The following APOA5 variants were observed in gnomAD, a reference collection of about 807,000 sequenced individuals.
APOA5 encodes apolipoprotein A-V.
Under a neutral mutation model 31.8 loss-of-function variants are expected in APOA5, and 26 were observed. The observed-to-expected ratio is 0.82, with a 90% CI of 0.60 to 1.13. The LOEUF (loss-of-function observed/expected upper bound fraction) is 1.13. APOA5 is among the 50% of genes most tolerant of loss of function. The probability of loss-of-function intolerance (pLI) is 0.00; values close to 1 mark genes in which losing one functional copy is unlikely to be tolerated. For synonymous variants in APOA5, 186 were observed against 198.5 expected, an observed-to-expected ratio of 0.94 and a Z score of 0.53; for missense variants, 450 against 488.0, an observed-to-expected ratio of 0.92 and a Z score of 0.73.
chr11:116,790,773 G>T lies in APOA5; in HGVS notation c.456C>A (p.Arg152=), dbSNP rs990876386. Residue 152 remains arginine, a synonymous_variant, in exon 3 of 3, where the codon CGC becomes CGA. Transcript: ENST00000227665. Reference sequence around the variant, plus strand: ...GGGCCTTGGTGTCTTCCCCCACCACGCGCAACTGCTCCTGCAGCTCCTGCA... The same window carrying T: ...GGGCCTTGGTGTCTTCCCCCACCACTCGCAACTGCTCCTGCAGCTCCTGCA... ...LRVQELQEQL[R]VVGEDTKAQL... is the part of the protein sequence containing the mutation. 44 of 1,613,194 alleles carry T rather than the reference G, an allele frequency of 2.7e-5. No individual in the cohort carries two copies. Among genetic ancestry groups the T allele is most frequent in the Non-Finnish European group, 3.6e-5 (43 of 1,179,970 alleles).
At position 116,790,729 on chromosome 11, in the gene APOA5, T is replaced by A. The variant is rs762999453; in HGVS notation, c.500A>T (p.Asp167Val). The A allele has an allele frequency of 1.2e-6, 2 of 1,613,004 alleles. No individual in the cohort carries two copies. Among genetic ancestry groups the A allele is most frequent in the East Asian group, 4.5e-5 (2 of 44,878 alleles). ...DTKAQLLGGVDEAWALLQGLQ... is the reference protein window; with the variant it reads ...DTKAQLLGGVVEAWALLQGLQ... The stretch of plus-strand genomic sequence containing the variant: ...TCCCTGCAGCAAAGCCCAAGCCTCG[T>A]CCACGCCCCCCAGCAACTGGGCCTT... The change falls in exon 3 of 3, where the codon GAC (aspartate) becomes GTC (valine). Residue 167 changes from aspartate (D) to valine (V), a missense_variant. Physicochemically the swap from Asp to Val is radical, Grantham distance 152. Transcript: ENST00000227665.
In APOA5 at chr11:116,790,104, G is replaced by A. The variant is rs1426672410; in HGVS notation, c.*24C>T. On this transcript the variant is annotated 3_prime_UTR_variant, in exon 3 of 3. Coordinates refer to ENST00000227665, the MANE Select transcript of APOA5 (RefSeq NM_001371904.1). ...CAAGGCTCCCCAGACAAGGAGCTGG[G>A]AATGGGCCTGGGCAGGTAGATCCTC... 6.2e-7 allele frequency: 1 copy of A among 1,610,550 alleles called. No homozygotes were observed. Among genetic ancestry groups the A allele is most frequent in the East Asian group, 2.2e-5 (1 of 44,766 alleles).
rs1451892122 is a variant in APOA5 at position 116,790,782 on chromosome 11, C to T, written c.447G>A (p.Glu149=). 1.2e-6 allele frequency: 2 copies of T among 1,613,570 alleles called. No homozygotes were observed. The highest frequency in any genetic ancestry group is 1.7e-6 in the Non-Finnish European group (2 of 1,179,982). The change falls in exon 3 of 3, where the codon GAG becomes GAA. Residue 149 remains glutamate, a synonymous_variant. Transcript: ENST00000227665. ...QVALRVQELQ[E]QLRVVGEDTK... ...TGTCTTCCCCCACCACGCGCAACTG[C>T]TCCTGCAGCTCCTGCACGCGCAGGG...
rs773988647 is a variant in APOA5 at position 116,791,050 on chromosome 11, A to T, written c.179T>A (p.Leu60His). 5 of 1,611,648 alleles carry T rather than the reference A, an allele frequency of 3.1e-6. No individual in the cohort carries two copies. Among genetic ancestry groups the T allele is most frequent in the Middle Eastern group, 1.7e-4 (1 of 6,060 alleles). The change falls in exon 3 of 3, where the codon CTT becomes CAT. Residue 60 changes from leucine to histidine, a missense_variant. Leu to His is a moderately conservative substitution (Grantham distance 99). Transcript: ENST00000227665. ...GTTCATATTGTTGAGGTCTTGCTCAAGGCTGTCTTTCAGGGTCCTGGAGAA... is the reference window on the plus strand; with the variant it reads ...GTTCATATTGTTGAGGTCTTGCTCATGGCTGTCTTTCAGGGTCCTGGAGAA... ...AREPATLKDS[L>H]EQDLNNMNKF...
At position 116,789,582 on chromosome 11, in the gene APOA5, A is replaced by G. The variant is rs765775223; in HGVS notation, c.*546T>C. ...TCCTATCACAGCCCACACCTTTCGT[A>G]CCCACCAGCATCAGAGCCAGCAGGG... On this transcript the variant is annotated 3_prime_UTR_variant, in exon 3 of 3. Coordinates refer to ENST00000227665, the MANE Select transcript of APOA5 (RefSeq NM_001371904.1). 6.7e-5 allele frequency: 14 copies of G among 207,722 alleles called. No homozygotes were observed. Among genetic ancestry groups the G allele is most frequent in the Non-Finnish European group, 1.3e-4 (13 of 101,316 alleles). 12.9% of individuals were successfully genotyped at this position (207,722 alleles called of 1,614,324 possible).
Position 116,789,867 on chromosome 11 carries a change from A to G in APOA5, c.*261T>C. The G allele has an allele frequency of 3.5e-6, 2 of 566,576 alleles. No individual in the cohort carries two copies. The highest frequency in any genetic ancestry group is 4.0e-5 in the South Asian group (2 of 49,596). The allele number at this position is 566,576 out of a possible 1,614,324, so 35.1% of individuals were successfully genotyped here. On this transcript the variant is annotated 3_prime_UTR_variant, in exon 3 of 3. Transcript: ENST00000227665. ...TCCCTCCCTACTCCCTCACCCTTGA[A>G]TGGAGTAACTCATGAGCATTCCCAA...
Position 116,790,988 on chromosome 11 carries a change from C to T in APOA5, c.241G>A (p.Glu81Lys), listed in dbSNP as rs775696556. ...LEKLRPLSGS[E>K]APRLPQDPVG... ...GGGTCCTGTGGGAGCCGAGGAGCCT[C>T]GCTCCCACTCAGAGGCCTCAGCTTT... The change falls in exon 3 of 3, where the codon GAG becomes AAG. Residue 81 changes from glutamate (E) to lysine (K), a missense_variant. Physicochemically the swap from Glu to Lys is moderately conservative, Grantham distance 56 (BLOSUM62 1). Coordinates refer to ENST00000227665, the MANE Select transcript of APOA5 (RefSeq NM_001371904.1). 1 of 1,612,264 alleles carries T rather than the reference C, an allele frequency of 6.2e-7. No homozygotes were observed. The highest frequency in any genetic ancestry group is 8.5e-7 in the Non-Finnish European group (1 of 1,179,408).
At chr11:116,791,405 G>A in intron 2 of APOA5, 181 bp downstream of exon 2, 1 of 752,910 alleles carries the variant, frequency 1.3e-6, no homozygotes, top group Non-Finnish European at 2.3e-6. Context: ...TGTCAAGGCG[G>A]GGGCTGCAGG....
chr11:116,790,589 C>A lies in APOA5; in HGVS notation c.640G>T (p.Ala214Ser). 6.2e-7 allele frequency: 1 copy of A among 1,601,564 alleles called. No homozygotes were observed. The highest frequency in any genetic ancestry group is 8.5e-7 in the Non-Finnish European group (1 of 1,178,178). The stretch of plus-strand genomic sequence containing the variant: ...GCGGGGCTGGCGGGGGCGTGCGGAG[C>A]CACACTGCGGTGCAGCTCCTGCACG... ...RHVQELHRSV[A>S]PHAPASPARL... is the part of the protein sequence containing the mutation. The change falls in exon 3 of 3, where the codon GCT becomes TCT. Residue 214 changes from alanine to serine, a missense_variant. Transcript: ENST00000227665.
In APOA5 at chr11:116,791,069, TG is replaced by T; in HGVS notation, c.162-3del. 6.2e-7 allele frequency: 1 copy of T among 1,608,134 alleles called. No homozygotes were observed. Among genetic ancestry groups the T allele is most frequent in the South Asian group, 1.1e-5 (1 of 90,884 alleles). ...TGCTCAAGGCTGTCTTTCAGGGTCC[TG>T]GAGAAGGGGACAGATATCCAGGCCG... On this transcript the variant is annotated splice_region_variant and splice_polypyrimidine_tract_variant and intron_variant, in intron 2 of 2. Transcript: ENST00000227665.
Position 116,789,553 on chromosome 11 carries a change from C to CGTAG in APOA5, c.*574_*575insCTAC. 2 of 169,772 alleles carry CGTAG rather than the reference C, an allele frequency of 1.2e-5. No homozygotes were observed. The highest frequency in any genetic ancestry group is 2.4e-5 in the African/African-American group (1 of 42,132). 10.5% of individuals were successfully genotyped at this position (169,772 alleles called of 1,614,324 possible). ...CTATGTCAGGAAACATGGGCTCTGC[C>CGTAG]CTCTCCTATCACAGCCCACACCTTT... On this transcript the variant is annotated 3_prime_UTR_variant, in exon 3 of 3. Coordinates refer to ENST00000227665, the MANE Select transcript of APOA5 (RefSeq NM_001371904.1).
Position 116,789,766 on chromosome 11 carries a change from C to T in APOA5, c.*362G>A. ...AGCCAGAAGTGACTAGAGCCAAACTCCAGGATGTAGTGGCACAGGCTTCCA... is the reference window on the plus strand; with the variant it reads ...AGCCAGAAGTGACTAGAGCCAAACTTCAGGATGTAGTGGCACAGGCTTCCA... On this transcript the variant is annotated 3_prime_UTR_variant, in exon 3 of 3. Coordinates refer to ENST00000227665, the MANE Select transcript of APOA5 (RefSeq NM_001371904.1). 1 of 373,984 alleles carries T rather than the reference C, an allele frequency of 2.7e-6. No homozygotes were observed. The highest frequency in any genetic ancestry group is 2.4e-5 in the South Asian group (1 of 42,288). The allele number at this position is 373,984 out of a possible 1,614,324, so 23.2% of individuals were successfully genotyped here.
chr11:116,790,424 C>G lies in APOA5; in HGVS notation c.805G>C (p.Gly269Arg). ...RAFAGTGTEE[G>R]AGPDPQMLSE... The stretch of plus-strand genomic sequence containing the variant: ...AGCATCTGGGGGTCCGGGCCGGCCC[C>G]TTCCTCAGTCCCAGTGCCTGCAAAG... The change falls in exon 3 of 3, where the codon GGG becomes CGG. Residue 269 changes from glycine (G) to arginine (R), a missense_variant. By Grantham distance (125) the Gly-to-Arg change is moderately radical. Transcript: ENST00000227665. 6.2e-7 allele frequency: 1 copy of G among 1,606,180 alleles called. No individual in the cohort carries two copies. Among genetic ancestry groups the G allele is most frequent in the Non-Finnish European group, 8.5e-7 (1 of 1,180,002 alleles).
upstream of APOA5, chr11:116,791,955 C>T (rs752719943): frequency 1.4e-6 from 2 of 1,401,532 alleles, no homozygotes; most frequent in Non-Finnish European, 2.0e-6. Flanking sequence ...GGGGCCTCTG[C>T]AGGGGCAACT....
rs910422330 is a variant in APOA5 at position 116,790,117 on chromosome 11, C to G, written c.*11G>C. The G allele has an allele frequency of 6.2e-7, 1 of 1,613,410 alleles. No individual in the cohort carries two copies. ...ACAAGGAGCTGGGAATGGGCCTGGG[C>G]AGGTAGATCCTCAGGGGTCCCCCAG... On this transcript the variant is annotated 3_prime_UTR_variant, in exon 3 of 3. Coordinates refer to ENST00000227665, the MANE Select transcript of APOA5 (RefSeq NM_001371904.1).
In APOA5 at chr11:116,790,201, C is replaced by G. The variant is rs1591312418; in HGVS notation, c.1028G>C (p.Arg343Pro). ...SGKVLSKLQA[R>P]LDDLWEDITH... ...GATGTCTTCCCACAGGTCATCCAGA[C>G]GGGCCTGCAGCTTGCTCAGAACCTT... The change falls in exon 3 of 3, where the codon CGT (arginine) becomes CCT (proline). Residue 343 changes from arginine (R) to proline (P), a missense_variant. By Grantham distance (103) the Arg-to-Pro change is moderately radical. Transcript: ENST00000227665. 6.2e-7 allele frequency: 1 copy of G among 1,614,250 alleles called. No homozygotes were observed. Among genetic ancestry groups the G allele is most frequent in the South Asian group, 1.1e-5 (1 of 91,086 alleles).
chr11:116,791,874 A>G lies in APOA5; in HGVS notation c.-14T>C. On this transcript the variant is annotated 5_prime_UTR_variant, in exon 1 of 3. Transcript: ENST00000227665. ...CATGCTTGCCATTACCTGCTCTGAG[A>G]AGACAGGTGGAGGGAGGCCTGGTTA... 1 of 1,614,048 alleles carries G rather than the reference A, an allele frequency of 6.2e-7. No homozygotes were observed. The highest frequency in any genetic ancestry group is 8.5e-7 in the Non-Finnish European group (1 of 1,179,964).
chr11:116,792,081 G>C (rs1335947220), upstream of APOA5, among the ~76,000 whole-genome samples: 3 of 152,184 alleles, frequency 2.0e-5, no homozygotes, highest in Non-Finnish European at 4.4e-5. Context: ...CATGGGAAGA[G>C]GGCGTGCTCT....
Position 116,790,858 on chromosome 11 carries a change from C to T in APOA5, c.371G>A (p.Gly124Asp). Residue 124 changes from glycine to aspartate, a missense_variant, in exon 3 of 3, where the codon GGC (glycine) becomes GAC (aspartate). Transcript: ENST00000227665. ...AHELVGWNLEGLRQQLKPYTM... is the reference protein window; with the variant it reads ...AHELVGWNLEDLRQQLKPYTM... ...GTAGGGCTTCAGTTGCTGCCGCAAG[C>T]CCTCCAAATTCCAGCCCACCAGCTC... is the stretch of plus-strand genomic sequence containing the variant. 1 of 1,613,744 alleles carries T rather than the reference C, an allele frequency of 6.2e-7. No individual in the cohort carries two copies. Among genetic ancestry groups the T allele is most frequent in the African/African-American group, 1.3e-5 (1 of 75,006 alleles).
Sources: gnomAD v4.1 joint callset for allele counts (sites outside exome capture counted in the v4.1 genomes callset) on GRCh38, gnomAD v4.1.1 for gene constraint, MANE v1.5 for transcripts, NCBI Gene and HGNC (gene_info 2026-07-23, HGNC 2026-07-21) for gene names.